ALG8: variants seen among roughly 807,000 people sequenced by gnomAD.
ALG8 encodes dolichyl pyrophosphate Glc1Man9GlcNAc2 alpha-1,3-glucosyltransferase.
ALG8 carries 48 observed loss-of-function variants against 70.2 expected under a neutral mutation model. The observed-to-expected ratio is 0.68, with a 90% confidence interval of 0.54 to 0.87. ALG8 has a LOEUF of 0.87. ALG8 is among the 40% of genes least tolerant of loss of function. The pLI is 0.00. For missense variants in ALG8, 572 were observed against 608.7 expected (o/e 0.94, Z 0.64); for synonymous variants, 234 against 229.0 (o/e 1.02, Z -0.20).
chr11:78,124,524 T>C (rs931886518), intron 2 of ALG8, among the ~76,000 whole-genome samples: 3 of 152,242 alleles, frequency 2.0e-5, no homozygotes, highest in Non-Finnish European at 4.4e-5. Context: ...ACAATTCCTA[T>C]GTAAGACTGA....
chr11:78,135,660 C>A (rs10793287), intron 1 of ALG8, among the ~76,000 whole-genome samples: 2 of 151,876 alleles, frequency 1.3e-5, no homozygotes, highest in South Asian at 2.1e-4. Context: ...CCAGCCTGGC[C>A]AATGTGGCAA....
intron 1 of ALG8, chr11:78,133,413 C>G (rs993457600): frequency 6.6e-6 from 1 of 152,168 alleles, no homozygotes; most frequent in Non-Finnish European, 1.5e-5. Context: ...TAAAAACATT[C>G]GTTTTTAAAT....
chr11:78,105,034 T>C (rs1323194772), intron 10 of ALG8, among the ~76,000 whole-genome samples: 1 of 152,156 alleles, frequency 6.6e-6, no homozygotes, highest in African/African-American at 2.4e-5. Context: ...GTTGTGGGAT[T>C]GGGAGCTGCC....
At chr11:78,104,159 CTTTTTAAGTTTAATT>C in intron 11 of ALG8, 107 bp from the exon 12 acceptor site, 1 of 911,282 alleles carries the variant, frequency 1.1e-6, no homozygotes. Flanking sequence ...GCTAATAATA[CTTTTTAAGTTTAATT>C]TTACATTTTT....
intron 1 of ALG8, among the ~76,000 whole-genome samples, chr11:78,132,495 T>A (rs1222662535): frequency 6.6e-6 from 1 of 152,234 alleles, no homozygotes; most frequent in Admixed American, 6.5e-5. Context: ...AAATTTTTCA[T>A]CCTGGCTTTA....
intron 1 of ALG8, among the ~76,000 whole-genome samples, chr11:78,131,932 C>T (rs683774): frequency 0.22 from 33,168 of 152,176 alleles, 4,473 homozygotes; most frequent in African/African-American, 0.38. Flanking sequence ...TCCCTTTTAA[C>T]TGGCCTCTGC....
At chr11:78,136,337 A>T (rs1343305616) in intron 1 of ALG8, among the ~76,000 whole-genome samples, 1 of 151,788 alleles carries the variant, frequency 6.6e-6, no homozygotes, top group Non-Finnish European at 1.5e-5. Flanking sequence ...AACAAAACAC[A>T]CACATATAGA....
At chr11:78,116,167 C>T (rs1469441833) in intron 5 of ALG8, among the ~76,000 whole-genome samples, 2 of 152,026 alleles carry the variant, frequency 1.3e-5, no homozygotes, top group African/African-American at 2.4e-5. Flanking sequence ...TGAGACCAGC[C>T]TGGCCAACAT....
chr11:78,139,479 G>T lies in ALG8; in HGVS notation c.95+15C>A. 6.4e-7 allele frequency: 1 copy of T among 1,553,526 alleles called. No individual in the cohort carries two copies. Among genetic ancestry groups the T allele is most frequent in the Non-Finnish European group, 8.7e-7 (1 of 1,147,926 alleles). ...GGGCCTCCCCGCCCAGCCCCTGGCC[G>T]TGCGAGTCCCTTACTATGTGGGGAT... On this transcript the variant is annotated intron_variant, in intron 1 of 12. Coordinates refer to ENST00000299626, the MANE Select transcript of ALG8 (RefSeq NM_024079.5).
chr11:78,120,316 T>A lies in ALG8; in HGVS notation c.478+749A>T, dbSNP rs191464566. ...TTTAGAATTAGGGATGAGAAAGGAA[T>A]GGACCTAACTGCTACTAAGGCCACC... On this transcript the variant is annotated intron_variant, in intron 4 of 12. Transcript: ENST00000299626. Among the ~76,000 whole-genome samples, 247 of 152,288 alleles carry A rather than the reference T, an allele frequency of 1.6e-3. 1 individual carries two copies. Among genetic ancestry groups the A allele is most frequent in the Non-Finnish European group, 2.7e-3 (187 of 68,024 alleles).
chr11:78,135,645 C>T (rs1487978960), intron 1 of ALG8, among the ~76,000 whole-genome samples: 2 of 151,906 alleles, frequency 1.3e-5, no homozygotes, highest in Non-Finnish European at 2.9e-5. Flanking sequence ...GCCAGGAGTT[C>T]AAGACCAGCC....
chr11:78,137,552 T>C (rs1049278895), intron 1 of ALG8: 5 of 152,236 alleles, frequency 3.3e-5, no homozygotes, highest in African/African-American at 9.6e-5. Flanking sequence ...AAGTCAGAGA[T>C]ATGTGACTCT....
chr11:78,104,123 T>A, intron 11 of ALG8, 71 bp from the exon 12 acceptor site: 1 of 1,047,936 alleles, frequency 9.5e-7, no homozygotes, highest in Non-Finnish European at 1.4e-6. Flanking sequence ...GAAAGTAATA[T>A]AAGCACACTG....
chr11:78,124,457 C>G (rs978166655), intron 2 of ALG8, among the ~76,000 whole-genome samples: 1 of 152,080 alleles, frequency 6.6e-6, no homozygotes, highest in Non-Finnish European at 1.5e-5. Context: ...TAAAAACAAA[C>G]GAACAAAAAT....
In ALG8 at chr11:78,113,881, C is replaced by CA; in HGVS notation, c.777+4_777+5insT. The CA allele has an allele frequency of 7.6e-7, 1 of 1,309,876 alleles. No individual in the cohort carries two copies. Among genetic ancestry groups the CA allele is most frequent in the Non-Finnish European group, 1.0e-6 (1 of 996,184 alleles). The allele number at this position is 1,309,876 out of a possible 1,614,324, so 81.1% of individuals were successfully genotyped here. ...TAATTGAAAAAAAAAAAAAAAAAGG[C>CA]TTACCAAGGCCAGGAAAGGACCCAA... On this transcript the variant is annotated splice_donor_region_variant and intron_variant, in intron 7 of 12. Coordinates refer to ENST00000299626, the MANE Select transcript of ALG8 (RefSeq NM_024079.5).
chr11:78,103,257 C>A (rs986154184), intron 12 of ALG8: 3 of 152,304 alleles, frequency 2.0e-5, no homozygotes, highest in East Asian at 3.9e-4. Flanking sequence ...GTCAGGAGCT[C>A]GAGAGCAGCC....
At chr11:78,107,748 AGGAGAATCGCTTGAACCTG>A (rs1404006416) in intron 9 of ALG8, 1 of 231,478 alleles carries the variant, frequency 4.3e-6, no homozygotes, top group Non-Finnish European at 9.1e-6. Context: ...AGGCTGAGGC[AGGAGAATCGCTTGAACCTG>A]GGAGGCAGAG....
intron 4 of ALG8, 144 bp from the exon 5 acceptor site, chr11:78,119,393 A>G: frequency 1.6e-6 from 1 of 627,244 alleles, no homozygotes; most frequent in Non-Finnish European, 2.9e-6. Context: ...GCTCATAAAT[A>G]TGTTTTCTAT....
Position 78,113,874 on chromosome 11 carries a change from A to AAAAT in ALG8, c.777+11_777+12insATTT. ...CATGTATTAATTGAAAAAAAAAAAAAAAAAGGCTTACCAAGGCCAGGAAAG... is the reference window on the plus strand; with the variant it reads ...CATGTATTAATTGAAAAAAAAAAAAAAAATAAAAGGCTTACCAAGGCCAGGAAAG... On this transcript the variant is annotated intron_variant, in intron 7 of 12. Transcript: ENST00000299626. 1 of 1,544,404 alleles carries AAAAT rather than the reference A, an allele frequency of 6.5e-7. No individual in the cohort carries two copies. Among genetic ancestry groups the AAAAT allele is most frequent in the Non-Finnish European group, 8.7e-7 (1 of 1,146,376 alleles).
Sources: allele counts gnomAD v4.1 joint callset (sites outside exome capture counted in the v4.1 genomes callset), GRCh38; gene constraint gnomAD v4.1.1; transcripts MANE v1.5; gene names NCBI Gene and HGNC (gene_info 2026-07-23, HGNC 2026-07-21).